The following FAM184B variants were observed in gnomAD, a reference collection of about 807,000 sequenced individuals.
FAM184B encodes the protein family with sequence similarity 184 member B.
In FAM184B, 111 loss-of-function variants were observed where a neutral mutation model predicts 135.9. That is an observed-to-expected ratio of 0.82 (90% CI 0.70 to 0.96). The LOEUF is 0.96. FAM184B is among the 40% of genes least tolerant of loss of function. FAM184B has a pLI of 0.00. For missense variants in FAM184B, 1,375 were observed against 1,323.9 expected (o/e 1.04, Z -0.60); for synonymous variants, 552 against 524.8 (o/e 1.05, Z -0.71).
At chr4:17,646,391 A>G (rs1715466652) in intron 12 of FAM184B, among the ~76,000 whole-genome samples, 1 of 152,220 alleles carries the variant, frequency 6.6e-6, no homozygotes, top group Admixed American at 6.5e-5. Context: ...ATGGAATACT[A>G]TGCAGCCATA....
chr4:17,713,941 G>C (rs1033898046), intron 1 of FAM184B, among the ~76,000 whole-genome samples: 1 of 152,136 alleles, frequency 6.6e-6, no homozygotes, highest in Non-Finnish European at 1.5e-5. Flanking sequence ...GAGAGGATTT[G>C]TCACCAGTTA....
At chr4:17,713,616 C>A (rs1271324147) in intron 1 of FAM184B, among the ~76,000 whole-genome samples, 1 of 152,192 alleles carries the variant, frequency 6.6e-6, no homozygotes, top group Non-Finnish European at 1.5e-5. Context: ...GGCAACCCTG[C>A]AATTTGGTAT....
At position 17,633,804 on chromosome 4, in the gene FAM184B, G is replaced by C. The variant is rs1487370157; in HGVS notation, c.2974C>G (p.Leu992Val). The stretch of plus-strand genomic sequence containing the variant: ...GGAGGGGCATTAATCCTGGAACTCA[G>C]ATCGCCACTCAGAAAGTTCTTTGCA... ...SYAKNFLSGD[L>V]SSRINAPPIT... is the part of the protein sequence containing the mutation. The change falls in exon 17 of 18, where the codon CTG becomes GTG. Residue 992 changes from leucine (L) to valine (V), a missense_variant. Leu to Val is a conservative substitution (Grantham distance 32). Coordinates refer to ENST00000265018, the MANE Select transcript of FAM184B (RefSeq NM_015688.2). The C allele has an allele frequency of 1.9e-6, 3 of 1,551,628 alleles. No individual in the cohort carries two copies. Among genetic ancestry groups the C allele is most frequent in the East Asian group, 4.9e-5 (2 of 40,924 alleles).
chr4:17,688,989 G>A (rs73093755), intron 6 of FAM184B, among the ~76,000 whole-genome samples: 429 of 152,180 alleles, frequency 2.8e-3, no homozygotes, highest in Middle Eastern at 0.024. Context: ...CACTGTGCCC[G>A]GCCTAGAAAT....
rs1259896159 is a variant in FAM184B at position 17,684,146 on chromosome 4, A to AT, written c.1596+4277_1596+4278insA. Among the ~76,000 whole-genome samples the AT allele has an allele frequency of 3.5e-3, 424 of 120,250 alleles. 2 individuals are homozygous for AT. The highest frequency in any genetic ancestry group is 6.6e-3 in the Non-Finnish European group (360 of 54,534). 78.9% of individuals were successfully genotyped at this position (120,250 alleles called of 152,430 possible). A position where few individuals can be genotyped will look rare whatever the true frequency, so the allele number is the denominator to read the frequency against. ...TATATAAAATAATTATATATAAAAT[A>AT]ATTATATAATAAAATATAATATAAA... On this transcript the variant is annotated intron_variant, in intron 7 of 17. Transcript: ENST00000265018.
Position 17,688,523 on chromosome 4 carries a change from C to G in FAM184B, c.1497G>C (p.Arg499Ser). 6.5e-7 allele frequency: 1 copy of G among 1,548,180 alleles called. No homozygotes were observed. The highest frequency in any genetic ancestry group is 8.7e-7 in the Non-Finnish European group (1 of 1,146,210). Residue 499 changes from arginine to serine, a missense_variant, in exon 7 of 18, where the codon AGG (arginine) becomes AGC (serine). Transcript: ENST00000265018. ...TATTTTGTTGGATAAATTCTTCCAG[C>G]CTTAAAACCTAAAACAGGAGATAAG... ...KLQNSLLEVL[R>S]LEEFIQQNKT... is the part of the protein sequence containing the mutation.
chr4:17,660,922 T>C (rs1425850838), intron 8 of FAM184B, among the ~76,000 whole-genome samples: 2 of 151,802 alleles, frequency 1.3e-5, no homozygotes, highest in Non-Finnish European at 2.9e-5. Context: ...GAAAAGGCCA[T>C]GAGAAGGGGC....
intron 1 of FAM184B, among the ~76,000 whole-genome samples, chr4:17,711,020 A>G (rs1047664643): frequency 1.3e-5 from 2 of 152,122 alleles, no homozygotes; most frequent in African/African-American, 4.8e-5. Context: ...GAGATTCCAG[A>G]ACATATTTGT....
At chr4:17,681,045 A>G (rs972394271) in intron 7 of FAM184B, among the ~76,000 whole-genome samples, 29 of 152,344 alleles carry the variant, frequency 1.9e-4, no homozygotes, top group Admixed American at 1.8e-3. Context: ...ACATTGACAG[A>G]ATCTTTAACA....
chr4:17,666,672 C>T (rs1318396026), intron 7 of FAM184B, among the ~76,000 whole-genome samples: 1 of 151,560 alleles, frequency 6.6e-6, no homozygotes. Context: ...TCTCACCCCC[C>T]TCACTCTCTT....
chr4:17,689,688 G>A (rs1303134740), intron 6 of FAM184B, among the ~76,000 whole-genome samples: 2 of 151,792 alleles, frequency 1.3e-5, no homozygotes, highest in Non-Finnish European at 2.9e-5. Context: ...TTGCTATGTT[G>A]CCCAGGCTGG....
In FAM184B at chr4:17,664,562, C is replaced by T. The variant is rs1463108297; in HGVS notation, c.1694G>A (p.Arg565Lys). The T allele has an allele frequency of 1.3e-6, 2 of 1,550,398 alleles. No homozygotes were observed. Among genetic ancestry groups the T allele is most frequent in the East Asian group, 2.4e-5 (1 of 40,914 alleles). Residue 565 changes from arginine (R) to lysine (K), a missense_variant and splice_region_variant, in exon 8 of 18, where the codon AGG becomes AAG. Transcript: ENST00000265018. The part of the protein sequence containing the change: ...EEGTSSDEEE[R>K]TKVLLKEGSD... Reference sequence around the variant, plus strand: ...CAGAAGTCTGCATGTCCTCCTGTACCTTTCTTCTTCATCACTGCTGGTTCC... The same window carrying T: ...CAGAAGTCTGCATGTCCTCCTGTACTTTTCTTCTTCATCACTGCTGGTTCC...
chr4:17,634,091 A>G (rs890044668), intron 16 of FAM184B: 7 of 403,468 alleles, frequency 1.7e-5, no homozygotes, highest in East Asian at 7.9e-5. Context: ...TATGTTCACA[A>G]CCTCTTAACC....
At chr4:17,779,403 T>C (rs1042316904) in intron 1 of FAM184B, among the ~76,000 whole-genome samples, 7 of 152,238 alleles carry the variant, frequency 4.6e-5, no homozygotes, top group Admixed American at 2.0e-4. Flanking sequence ...TAAGGATCAA[T>C]TGCGATTTCT....
chr4:17,719,280 G>A (rs936574710), intron 1 of FAM184B, among the ~76,000 whole-genome samples: 1 of 152,182 alleles, frequency 6.6e-6, no homozygotes, highest in African/African-American at 2.4e-5. Flanking sequence ...TAATGGGCAG[G>A]TAGGGACTAC....
rs141307184 is a variant in FAM184B at position 17,725,327 on chromosome 4, T to C, written c.142-15683A>G. Among the ~76,000 whole-genome samples the C allele has an allele frequency of 3.9e-4, 59 of 152,368 alleles. 2 individuals are homozygous for C. The East Asian group carries it at 0.01, about 26-fold the overall frequency. On this transcript the variant is annotated intron_variant, in intron 1 of 17. Transcript: ENST00000265018. ...GAGGGGACACCATTTAGATGTGTTA[T>C]GTGCAAGTGGATTTACGCAGTGCTG... is the stretch of plus-strand genomic sequence containing the variant.
At chr4:17,729,298 C>A (rs556410459) in intron 1 of FAM184B, among the ~76,000 whole-genome samples, 1 of 152,254 alleles carries the variant, frequency 6.6e-6, no homozygotes, top group Non-Finnish European at 1.5e-5. Flanking sequence ...GCCTGCCTGC[C>A]TCTGTAGGCT....
At position 17,634,065 on chromosome 4, in the gene FAM184B, A is replaced by G. The variant is rs181824507; in HGVS notation, c.2890-177T>C. 76 of 476,176 alleles carry G rather than the reference A, an allele frequency of 1.6e-4. No individual in the cohort carries two copies. In the East Asian group the frequency reaches 2.4e-3, roughly 15 times the overall value. 29.5% of individuals were successfully genotyped at this position (476,176 alleles called of 1,614,324 possible). A position where few individuals can be genotyped will look rare whatever the true frequency, so the allele number is the denominator to read the frequency against. On this transcript the variant is annotated intron_variant, in intron 16 of 17. Transcript: ENST00000265018. ...CTTTTCCCTCCAATCTTCATTTTGTATTATAAATAAATATGTATGTTCACA... is the reference window on the plus strand; with the variant it reads ...CTTTTCCCTCCAATCTTCATTTTGTGTTATAAATAAATATGTATGTTCACA...
intron 9 of FAM184B, among the ~76,000 whole-genome samples, chr4:17,659,201 G>A (rs1046413694): frequency 2.0e-5 from 3 of 151,108 alleles, no homozygotes; most frequent in African/African-American, 7.3e-5. Context: ...GAACTCCCAA[G>A]CTCAAGCGAC....
Sources: gnomAD v4.1 joint callset for allele counts (sites outside exome capture counted in the v4.1 genomes callset) on GRCh38, gnomAD v4.1.1 for gene constraint, MANE v1.5 for transcripts, NCBI Gene and HGNC (gene_info 2026-07-23, HGNC 2026-07-21) for gene names.